The following PDXDC1 variants were observed in gnomAD, a reference collection of about 807,000 sequenced individuals.
The protein encoded by PDXDC1 is pyridoxal dependent decarboxylase domain containing 1.
In PDXDC1, 42 loss-of-function variants were observed where a neutral mutation model predicts 100.1. The observed-to-expected ratio is 0.42, with a 90% CI of 0.33 to 0.54. The LOEUF (loss-of-function observed/expected upper bound fraction) is 0.54. Ranked by LOEUF, PDXDC1 falls within the 20% of genes least tolerant of loss-of-function variation. The pLI, the probability that PDXDC1 is intolerant of heterozygous loss-of-function variation, is 0.10. For missense variants in PDXDC1, 636 were observed against 979.2 expected (o/e 0.65, Z 4.68); for synonymous variants, 260 against 371.7 (o/e 0.70, Z 3.46).
downstream of PDXDC1, among the ~76,000 whole-genome samples, chr16:15,140,635 C>T (rs1384579833): frequency 1.3e-5 from 2 of 152,134 alleles, no homozygotes; most frequent in East Asian, 1.9e-4. Context: ...AGGGCGGCAG[C>T]ATGTCTCTCT....
chr16:15,018,412 A>C (rs1332854993), intron 11 of PDXDC1, among the ~76,000 whole-genome samples: 2 of 152,258 alleles, frequency 1.3e-5, no homozygotes, highest in East Asian at 3.9e-4. Flanking sequence ...GAAACCTGTC[A>C]CAAAAAATAA....
At chr16:15,075,020 TG>T (rs1342729084) in intron 16 of PDXDC1, among the ~76,000 whole-genome samples, 3 of 151,106 alleles carry the variant, frequency 2.0e-5, no homozygotes, top group African/African-American at 4.9e-5. Context: ...GAAGCAGAGG[TG>T]GGGGGATCAC....
chr16:15,080,175 A>G (rs2045639840), intron 16 of PDXDC1: 11 of 1,484,092 alleles, frequency 7.4e-6, no homozygotes, highest in Non-Finnish European at 8.9e-6. Context: ...CATCAATTAC[A>G]TGACCTTTAG....
At chr16:15,022,678 C>T (rs369546264) in intron 12 of PDXDC1, 26 bp from the exon 13 acceptor site, 198 of 1,607,626 alleles carry the variant, frequency 1.2e-4, no homozygotes, top group Non-Finnish European at 1.6e-4. Context: ...CATCTAATTA[C>T]ATGTGTTATT....
intron 16 of PDXDC1, among the ~76,000 whole-genome samples, chr16:15,086,609 G>T (rs1445803790): frequency 6.6e-6 from 1 of 152,180 alleles, no homozygotes; most frequent in Admixed American, 6.5e-5. Context: ...AACAGAAAAA[G>T]ATGTCACAAT....
rs771767572 is a variant in PDXDC1 at position 15,033,383 on chromosome 16, T to C, written c.1796T>C (p.Ile599Thr). Residue 599 changes from isoleucine (I) to threonine (T), a missense_variant, in exon 19 of 23, where the codon ATA (isoleucine) becomes ACA (threonine). Coordinates refer to ENST00000396410, the MANE Select transcript of PDXDC1 (RefSeq NM_015027.4). ...ACCATTGCGGCCACAGCCCGGGAGA[T>C]AGAGGAGAACTCGAGGGTCCGTAGC... ...VETIAATARE[I>T]EENSRLLENM... 2.5e-6 allele frequency: 4 copies of C among 1,614,026 alleles called. No individual in the cohort carries two copies. Among genetic ancestry groups the C allele is most frequent in the African/African-American group, 1.3e-5 (1 of 74,934 alleles).
chr16:15,092,924 C>T (rs1223815854), intron 16 of PDXDC1, among the ~76,000 whole-genome samples: 4 of 152,206 alleles, frequency 2.6e-5, no homozygotes, highest in Non-Finnish European at 5.9e-5. Flanking sequence ...GTCTTTTCTG[C>T]TCTTCAAACA....
At chr16:14,986,671 C>A (rs546943515) in intron 1 of PDXDC1, among the ~76,000 whole-genome samples, 78 of 152,386 alleles carry the variant, frequency 5.1e-4, no homozygotes, top group African/African-American at 1.8e-3. Context: ...TGTCTAAATT[C>A]TCAGCAATTA....
chr16:15,140,290 C>T (rs1341852471), downstream of PDXDC1, among the ~76,000 whole-genome samples: 1 of 146,120 alleles, frequency 6.8e-6, no homozygotes, highest in African/African-American at 2.5e-5. Flanking sequence ...ACCAAAACTA[C>T]AGAATTAGTT....
At chr16:14,978,783 A>G (rs1967286177) in intron 1 of PDXDC1, among the ~76,000 whole-genome samples, 1 of 152,290 alleles carries the variant, frequency 6.6e-6, no homozygotes, top group South Asian at 2.1e-4. Flanking sequence ...ATGTTTAGGC[A>G]AGGTATACTG....
chr16:15,007,749 A>G (rs949658587), intron 6 of PDXDC1, among the ~76,000 whole-genome samples: 4 of 152,282 alleles, frequency 2.6e-5, no homozygotes, highest in Non-Finnish European at 4.4e-5. Context: ...TAATCCTCTG[A>G]AACGTGAAAT....
chr16:15,091,549 G>T (rs2046130346), intron 16 of PDXDC1, among the ~76,000 whole-genome samples: 1 of 151,476 alleles, frequency 6.6e-6, no homozygotes, highest in Non-Finnish European at 1.5e-5. Context: ...TGTTAGTGCA[G>T]CCAGAGGGCT....
the PDXDC1 span, among the ~76,000 whole-genome samples, chr16:15,149,735 G>A: frequency 7.2e-5 from 11 of 152,194 alleles, no homozygotes; most frequent in African/African-American, 2.4e-4. Flanking sequence ...CAGCATTTGC[G>A]AGACAGCAGC....
At chr16:15,100,218 A>G (rs2046492007) in intron 16 of PDXDC1, among the ~76,000 whole-genome samples, 1 of 152,204 alleles carries the variant, frequency 6.6e-6, no homozygotes, top group Non-Finnish European at 1.5e-5. Context: ...AAAATTTCTA[A>G]ATAACAAAAC....
intron 16 of PDXDC1, among the ~76,000 whole-genome samples, chr16:15,097,596 C>T (rs576796278): frequency 4.0e-5 from 6 of 149,882 alleles, no homozygotes; most frequent in South Asian, 2.1e-4. Flanking sequence ...GAGCCGAGAT[C>T]GCGCCACTGC....
chr16:15,082,853 G>A (rs1238717639), intron 16 of PDXDC1, among the ~76,000 whole-genome samples: 1 of 152,054 alleles, frequency 6.6e-6, no homozygotes, highest in East Asian at 1.9e-4. Flanking sequence ...ATTCTTCTAT[G>A]GAAGGCTTTG....
At chr16:15,140,377 G>C (rs916428536), downstream of PDXDC1, among the ~76,000 whole-genome samples, 9 of 145,662 alleles carry the variant, frequency 6.2e-5, no homozygotes, top group Non-Finnish European at 1.3e-4. Context: ...CCGGGAGGCA[G>C]AGGTTGCAGT....
At chr16:15,097,468 C>A (rs866419513) in intron 16 of PDXDC1, among the ~76,000 whole-genome samples, 210 of 65,804 alleles carry the variant, frequency 3.2e-3, no homozygotes, top group African/African-American at 4.3e-3. Flanking sequence ...ACTAAAAATA[C>A]AAAAAAAAAA....
At chr16:15,054,734 A>G (rs1369353612) in intron 16 of PDXDC1, among the ~76,000 whole-genome samples, 1 of 152,172 alleles carries the variant, frequency 6.6e-6, no homozygotes, top group African/African-American at 2.4e-5. Context: ...CTGAGCGCCA[A>G]TTCTATGCCA....
Sources: allele counts gnomAD v4.1 joint callset (sites outside exome capture counted in the v4.1 genomes callset), GRCh38; gene constraint gnomAD v4.1.1; transcripts MANE v1.5; gene names NCBI Gene and HGNC (gene_info 2026-07-23, HGNC 2026-07-21).